Variants in CFDP1 observed in about 807,000 individuals in gnomAD.
CFDP1 encodes the protein heterochromatin-stabilizing protein CFDP1.
Under a neutral mutation model 40.1 loss-of-function variants are expected in CFDP1, and 31 were observed. The observed-to-expected ratio is 0.77, with a 90% CI of 0.58 to 1.04. The LOEUF (loss-of-function observed/expected upper bound fraction) is 1.04, where lower values mean the gene tolerates loss of function less well. Ranked by LOEUF, CFDP1 falls within the 50% of genes least tolerant of loss-of-function variation. CFDP1 has a pLI of 0.00. For synonymous variants in CFDP1, 167 were observed against 120.0 expected, an observed-to-expected ratio of 1.39 and a Z score of -2.56; for missense variants, 423 against 343.4, an observed-to-expected ratio of 1.23 and a Z score of -1.83.
chr16:75,407,695 G>C (rs995978729), intron 4 of CFDP1, among the ~76,000 whole-genome samples: 1 of 150,022 alleles, frequency 6.7e-6, no homozygotes, highest in African/African-American at 2.4e-5. Flanking sequence ...TTCATGTATA[G>C]GAAATTTGGG....
intron 1 of CFDP1, among the ~76,000 whole-genome samples, chr16:75,421,894 T>G (rs1567682193): frequency 6.6e-6 from 1 of 152,200 alleles, no homozygotes; most frequent in Non-Finnish European, 1.5e-5. Context: ...GTCCCTGATA[T>G]AAAATGATGT....
chr16:75,413,345 CAG>C (rs1454970936), intron 2 of CFDP1, among the ~76,000 whole-genome samples: 2 of 152,110 alleles, frequency 1.3e-5, no homozygotes, highest in Non-Finnish European at 2.9e-5. Context: ...AAGGCCCACA[CAG>C]AGATTCCACT....
intron 5 of CFDP1, among the ~76,000 whole-genome samples, chr16:75,306,734 CTT>C (rs1314000081): frequency 6.6e-6 from 1 of 152,182 alleles, no homozygotes; most frequent in Non-Finnish European, 1.5e-5. Flanking sequence ...TGAGAAGTGA[CTT>C]GAGAGATTTT....
intron 5 of CFDP1, among the ~76,000 whole-genome samples, chr16:75,365,284 C>T (rs1436156559): frequency 6.6e-6 from 1 of 152,142 alleles, no homozygotes; most frequent in Non-Finnish European, 1.5e-5. Flanking sequence ...CTTTTTGGGA[C>T]TAACCCTCCC....
chr16:75,336,738 G>GGACTGTAGTA, intron 5 of CFDP1, among the ~76,000 whole-genome samples: 1 of 152,156 alleles, frequency 6.6e-6, no homozygotes, highest in Non-Finnish European at 1.5e-5. Flanking sequence ...GACTGCCAAT[G>GGACTGTAGTA]GCAATCCTGT....
At chr16:75,339,625 A>T (rs1448585818) in intron 5 of CFDP1, among the ~76,000 whole-genome samples, 1 of 152,178 alleles carries the variant, frequency 6.6e-6, no homozygotes, top group Non-Finnish European at 1.5e-5. Context: ...CTGGACTCTG[A>T]CTTCCACCTT....
At chr16:75,314,105 G>A (rs979043458) in intron 5 of CFDP1, among the ~76,000 whole-genome samples, 1 of 152,078 alleles carries the variant, frequency 6.6e-6, no homozygotes, top group African/African-American at 2.4e-5. Flanking sequence ...GTCTGGTCTC[G>A]AACTCCCGAC....
At chr16:75,429,868 C>T (rs2079389305) in intron 1 of CFDP1, among the ~76,000 whole-genome samples, 1 of 152,178 alleles carries the variant, frequency 6.6e-6, no homozygotes, top group African/African-American at 2.4e-5. Flanking sequence ...GAGAATTATT[C>T]TGTGCCACAT....
intron 5 of CFDP1, among the ~76,000 whole-genome samples, chr16:75,388,554 T>C (rs1348277531): frequency 6.6e-6 from 1 of 152,228 alleles, no homozygotes; most frequent in Non-Finnish European, 1.5e-5. Context: ...ACCCCAGTGT[T>C]ACCATAGATG....
At chr16:75,306,322 G>A (rs1432138887) in intron 5 of CFDP1, 1 of 152,166 alleles carries the variant, frequency 6.6e-6, no homozygotes, top group Non-Finnish European at 1.5e-5. Flanking sequence ...AAATAACCTA[G>A]TATCACCCTA....
chr16:75,419,022 A>G (rs750770715), intron 1 of CFDP1: 4 of 380,634 alleles, frequency 1.1e-5, no homozygotes, highest in South Asian at 7.5e-5. Context: ...ACGCACCTGT[A>G]GTTCCATCTA....
At chr16:75,396,065 C>T (rs2078993321) in intron 4 of CFDP1, among the ~76,000 whole-genome samples, 1 of 103,308 alleles carries the variant, frequency 9.7e-6, no homozygotes, top group African/African-American at 2.9e-5. Context: ...TACTAAATCT[C>T]CATGCTGGTT....
chr16:75,427,847 C>T (rs1033929923), intron 1 of CFDP1, among the ~76,000 whole-genome samples: 1 of 152,214 alleles, frequency 6.6e-6, no homozygotes, highest in Non-Finnish European at 1.5e-5. Flanking sequence ...AACCCAGTGT[C>T]TTTCAAATGC....
chr16:75,347,356 A>G (rs1215359564), intron 5 of CFDP1, among the ~76,000 whole-genome samples: 1 of 87,922 alleles, frequency 1.1e-5, no homozygotes, highest in African/African-American at 6.6e-5. Context: ...AAAAAAAAAA[A>G]AAAAAAAAGA....
At chr16:75,294,820 T>C (rs1393687712) in intron 6 of CFDP1, among the ~76,000 whole-genome samples, 2 of 152,076 alleles carry the variant, frequency 1.3e-5, no homozygotes, top group African/African-American at 4.8e-5. Context: ...TGCTCCCTAA[T>C]CTGGTTGGGT....
chr16:75,423,596 C>A (rs965470371), intron 1 of CFDP1, among the ~76,000 whole-genome samples: 15 of 152,028 alleles, frequency 9.9e-5, no homozygotes, highest in Non-Finnish European at 1.3e-4. Context: ...CTCACTGCAA[C>A]CTCCGCCTCT....
chr16:75,415,987 A>G (rs2079201098), intron 1 of CFDP1, among the ~76,000 whole-genome samples: 1 of 151,990 alleles, frequency 6.6e-6, no homozygotes, highest in African/African-American at 2.4e-5. Flanking sequence ...TGAGTAGCTG[A>G]CATTACAGAA....
chr16:75,314,693 T>G (rs2078313600), intron 5 of CFDP1, among the ~76,000 whole-genome samples: 1 of 152,226 alleles, frequency 6.6e-6, no homozygotes, highest in African/African-American at 2.4e-5. Context: ...TGGATTTATA[T>G]GCTCAATTTA....
At chr16:75,327,848 C>A (rs184635424) in intron 5 of CFDP1, among the ~76,000 whole-genome samples, 7 of 152,038 alleles carry the variant, frequency 4.6e-5, no homozygotes, top group Admixed American at 4.6e-4. Context: ...CTCAGCCTCC[C>A]GAATAGCTGG....
Sources: gnomAD v4.1 joint callset for allele counts (sites outside exome capture counted in the v4.1 genomes callset) on GRCh38, gnomAD v4.1.1 for gene constraint, MANE v1.5 for transcripts, NCBI Gene and HGNC (gene_info 2026-07-23, HGNC 2026-07-21) for gene names.